The following IRF2 variants were observed in gnomAD, a reference collection of about 807,000 sequenced individuals.
IRF2 encodes interferon regulatory factor 2.
In IRF2, 15 loss-of-function variants were observed where a neutral mutation model predicts 40.6. The observed-to-expected ratio is 0.37, with a 90% CI of 0.25 to 0.57. The LOEUF is 0.57. Among genes scored for constraint, IRF2 ranks in the 20% least tolerant of loss-of-function variants. The pLI is 0.77. For missense variants in IRF2, 317 were observed against 455.7 expected, an observed-to-expected ratio of 0.70 and a Z score of 2.77; for synonymous variants, 151 against 165.5, an observed-to-expected ratio of 0.91 and a Z score of 0.67.
chr4:184,400,413 G>T (rs1415505551), intron 6 of IRF2, among the ~76,000 whole-genome samples: 3 of 152,012 alleles, frequency 2.0e-5, no homozygotes, highest in African/African-American at 7.3e-5. Flanking sequence ...CTTTTCAATT[G>T]CCGAGTAGTA....
intron 1 of IRF2, among the ~76,000 whole-genome samples, chr4:184,431,596 G>GAGC (rs1015919262): frequency 1.0e-4 from 12 of 116,532 alleles, no homozygotes; most frequent in East Asian, 3.0e-4. Flanking sequence ...ACTAAATCCA[G>GAGC]AGCGGTCAAG....
chr4:184,395,883 T>C (rs971198180), intron 7 of IRF2, among the ~76,000 whole-genome samples: 31 of 152,236 alleles, frequency 2.0e-4, no homozygotes, highest in Admixed American at 3.9e-4. Flanking sequence ...TCTCTCTGCA[T>C]GGATCTGCTG....
At chr4:184,465,313 T>C (rs1008608297) in intron 1 of IRF2, among the ~76,000 whole-genome samples, 3 of 152,216 alleles carry the variant, frequency 2.0e-5, no homozygotes, top group Non-Finnish European at 4.4e-5. Context: ...GCCCCGTCCA[T>C]GCACAGCCTC....
At chr4:184,420,802 G>A (rs755633147) in intron 2 of IRF2, among the ~76,000 whole-genome samples, 1 of 152,158 alleles carries the variant, frequency 6.6e-6, no homozygotes. Flanking sequence ...TATATGTTAC[G>A]ATTTCCATTT....
At chr4:184,396,567 T>G (rs1411993183) in intron 7 of IRF2, among the ~76,000 whole-genome samples, 1 of 151,912 alleles carries the variant, frequency 6.6e-6, no homozygotes, top group Non-Finnish European at 1.5e-5. Flanking sequence ...TCCAAGTGGC[T>G]GGGACTACGG....
rs70959195 is a variant in IRF2 at position 184,419,571 on chromosome 4, G to GAA, written c.88-5_88-4dup. On this transcript the variant is annotated splice_polypyrimidine_tract_variant and splice_region_variant and intron_variant, in intron 2 of 8. Coordinates refer to ENST00000393593, the MANE Select transcript of IRF2 (RefSeq NM_002199.4). ...GGGATCTGAAAAATCTTCTTTTCCT[G>GAA]AAAAAAAAAAAAAAAAAAAAGGTAA... 114,402 of 883,930 alleles carry GAA rather than the reference G, an allele frequency of 0.13. 3,578 individuals carry two copies. Among genetic ancestry groups the GAA allele is most frequent in the Admixed American group, 0.16 (5,661 of 35,502 alleles). The allele number at this position is 883,930 out of a possible 1,614,324, so 54.8% of individuals were successfully genotyped here.
intron 6 of IRF2, among the ~76,000 whole-genome samples, chr4:184,404,440 T>TA (rs750941265): frequency 2.0e-4 from 30 of 152,240 alleles, no homozygotes; most frequent in Non-Finnish European, 3.8e-4. Context: ...CAGAGTGATT[T>TA]ATCTGTACAT....
chr4:184,421,945 T>C (rs1737498205), intron 2 of IRF2, among the ~76,000 whole-genome samples: 1 of 152,172 alleles, frequency 6.6e-6, no homozygotes, highest in Non-Finnish European at 1.5e-5. Context: ...GGACGGTGTT[T>C]GGGTCATGGG....
At chr4:184,404,734 G>T (rs1170773658) in intron 6 of IRF2, among the ~76,000 whole-genome samples, 1 of 152,170 alleles carries the variant, frequency 6.6e-6, no homozygotes, top group Non-Finnish European at 1.5e-5. Flanking sequence ...AGCCATGGTG[G>T]GAGAGAAGAT....
chr4:184,450,669 A>C (rs1279035033), intron 1 of IRF2, among the ~76,000 whole-genome samples: 1 of 152,222 alleles, frequency 6.6e-6, no homozygotes, highest in African/African-American at 2.4e-5. Context: ...ATAAAATAAG[A>C]AAAGCTTTAA....
chr4:184,446,106 G>T (rs571602247), intron 1 of IRF2, among the ~76,000 whole-genome samples: 10 of 152,212 alleles, frequency 6.6e-5, no homozygotes, highest in Non-Finnish European at 1.2e-4. Context: ...TAGGAGAGAG[G>T]CATGGTGCAG....
At chr4:184,397,891 G>A (rs1044596615) in intron 7 of IRF2, among the ~76,000 whole-genome samples, 4 of 152,166 alleles carry the variant, frequency 2.6e-5, no homozygotes, top group African/African-American at 7.2e-5. Context: ...GTTGGCGAAC[G>A]AGAGGAGCCA....
chr4:184,395,391 C>T (rs995117738), intron 7 of IRF2, among the ~76,000 whole-genome samples: 5 of 115,360 alleles, frequency 4.3e-5, no homozygotes, highest in African/African-American at 1.7e-4. Context: ...CCAGCCTGGG[C>T]GACAGAGCGA....
At chr4:184,394,136 G>A (rs1438337442) in intron 7 of IRF2, among the ~76,000 whole-genome samples, 13 of 152,128 alleles carry the variant, frequency 8.5e-5, no homozygotes, top group Non-Finnish European at 1.5e-4. Flanking sequence ...GAAGCTGAAG[G>A]TGTTCGTACA....
In IRF2 at chr4:184,413,089, T is replaced by C. The variant is rs137929551; in HGVS notation, c.412-4814A>G. Among the ~76,000 whole-genome samples the C allele has an allele frequency of 6.6e-5, 10 of 152,338 alleles. No individual in the cohort carries two copies. In the East Asian group the frequency reaches 1.7e-3, roughly 26 times the overall value. Reference sequence around the variant, plus strand: ...CCGGGGCCTCCTCTTTAGGCCGCTCTTATCTGCATCCTCCGTACCCTCTTC... The same window carrying C: ...CCGGGGCCTCCTCTTTAGGCCGCTCCTATCTGCATCCTCCGTACCCTCTTC... On this transcript the variant is annotated intron_variant, in intron 5 of 8. Transcript: ENST00000393593. This position sits in a 1 kb window ranked among gnomAD's most constrained non-coding sequence, Gnocchi z 4.2.
At chr4:184,397,008 A>G (rs2149892464) in intron 7 of IRF2, among the ~76,000 whole-genome samples, 1 of 152,354 alleles carries the variant, frequency 6.6e-6, no homozygotes, top group South Asian at 2.1e-4. Context: ...TTCCCAGGGC[A>G]CAATAAATTT....
chr4:184,440,556 T>C (rs892794432), intron 1 of IRF2, among the ~76,000 whole-genome samples: 10 of 152,356 alleles, frequency 6.6e-5, no homozygotes, highest in Admixed American at 2.6e-4. Flanking sequence ...CTGCAAACAT[T>C]TGTGAGAGGC....
chr4:184,448,380 T>C lies in IRF2; in HGVS notation c.-6-19310A>G, dbSNP rs1738592938. Among the ~76,000 whole-genome samples, 1 of 152,186 alleles carries C rather than the reference T, an allele frequency of 6.6e-6. No homozygotes were observed. The highest frequency in any genetic ancestry group is 1.5e-5 in the Non-Finnish European group (1 of 68,036). On this transcript the variant is annotated intron_variant, in intron 1 of 8. Transcript: ENST00000393593. The surrounding 1 kb of genome is among the most constrained non-coding windows in gnomAD (Gnocchi z 4.3). ...AAGGGGCAGCTTAATCAAGCAACAA[T>C]TAGCTGAACAAGGAGGCTCTAAGCT...
At chr4:184,455,529 G>A (rs1166340855) in intron 1 of IRF2, among the ~76,000 whole-genome samples, 6 of 151,408 alleles carry the variant, frequency 4.0e-5, no homozygotes, top group Admixed American at 6.6e-5. Flanking sequence ...CTGTGAGGAG[G>A]AGTCCCATCT....
Sources: allele counts gnomAD v4.1 joint callset (sites outside exome capture counted in the v4.1 genomes callset), GRCh38; gene constraint gnomAD v4.1.1; non-coding constraint Gnocchi (gnomAD v3.1); transcripts MANE v1.5; gene names NCBI Gene and HGNC (gene_info 2026-07-23, HGNC 2026-07-21).